TCF7L1: variants seen among roughly 807,000 people sequenced by gnomAD.
TCF7L1 encodes transcription factor 7 like 1.
Under a neutral mutation model 63.7 loss-of-function variants are expected in TCF7L1, and 18 were observed. The observed-to-expected ratio is 0.28, with a 90% confidence interval of 0.20 to 0.42. The LOEUF (loss-of-function observed/expected upper bound fraction) is 0.42, where lower values mean the gene tolerates loss of function less well. TCF7L1 is among the 10% of genes least tolerant of loss of function. The probability of loss-of-function intolerance (pLI) is 1.00; values close to 1 mark genes in which losing one functional copy is unlikely to be tolerated. For synonymous variants in TCF7L1, 355 were observed against 340.9 expected, an observed-to-expected ratio of 1.04 and a Z score of -0.46; for missense variants, 654 against 779.3, an observed-to-expected ratio of 0.84 and a Z score of 1.91.
intron 3 of TCF7L1, among the ~76,000 whole-genome samples, chr2:85,170,092 G>A (rs1434698556): frequency 6.6e-6 from 1 of 152,174 alleles, no homozygotes; most frequent in Non-Finnish European, 1.5e-5. Context: ...TCAGAGAGAG[G>A]AGGATGAGAT....
chr2:85,212,780 C>T (rs948361119), intron 3 of TCF7L1, among the ~76,000 whole-genome samples: 3 of 152,136 alleles, frequency 2.0e-5, no homozygotes, highest in Non-Finnish European at 2.9e-5. Flanking sequence ...TGTCATCACC[C>T]CCAGGTTGAG....
Position 85,184,423 on chromosome 2 carries a change from G to A in TCF7L1, c.441+49973G>A, listed in dbSNP as rs143244463. On this transcript the variant is annotated intron_variant, in intron 3 of 11. Coordinates refer to ENST00000282111, the MANE Select transcript of TCF7L1 (RefSeq NM_031283.3). ...GGACCTTCCGTGGGGAAGGTAACCC[G>A]GAAGCAGTTTCAGATTGGGTATTGG... Among the ~76,000 whole-genome samples the A allele has an allele frequency of 8.5e-5, 13 of 152,286 alleles. No homozygotes were observed. In the South Asian group the frequency reaches 1.2e-3, roughly 15 times the overall value.
chr2:85,294,026 A>ATTTTTTTTTTTTTTTTT lies in TCF7L1; in HGVS notation c.526-8446_526-8430dup, dbSNP rs774050758. 3.0e-4 allele frequency among the ~76,000 whole-genome samples: 18 copies of ATTTTTTTTTTTTTTTTT among 59,484 alleles called. 2 individuals carry two copies. Among genetic ancestry groups the ATTTTTTTTTTTTTTTTT allele is most frequent in the East Asian group, 1.7e-3 (2 of 1,160 alleles). The allele number at this position is 59,484 out of a possible 152,430, so 39.0% of individuals were successfully genotyped here. ...ATTTAGGTGTGGCCTGAACACTGGG[A>ATTTTTTTTTTTTTTTTT]TTTTTTTTTTTTTTTTTTTTTTTTT... On this transcript the variant is annotated intron_variant, in intron 4 of 11. Coordinates refer to ENST00000282111, the MANE Select transcript of TCF7L1 (RefSeq NM_031283.3).
rs75406494 is a variant in TCF7L1 at position 85,144,103 on chromosome 2, A to G, written c.441+9653A>G. 3.5e-3 allele frequency among the ~76,000 whole-genome samples: 532 copies of G among 152,340 alleles called. 4 individuals are homozygous for G. The highest frequency in any genetic ancestry group is 0.012 in the African/African-American group (490 of 41,584). On this transcript the variant is annotated intron_variant, in intron 3 of 11. Transcript: ENST00000282111. ...GAGGAGTAAACTTACTATACTCACAATTTGGATTACAACATAGTTTGGTTA... is the reference window on the plus strand; with the variant it reads ...GAGGAGTAAACTTACTATACTCACAGTTTGGATTACAACATAGTTTGGTTA...
chr2:85,240,887 G>A (rs527816206), intron 3 of TCF7L1, among the ~76,000 whole-genome samples: 3 of 152,180 alleles, frequency 2.0e-5, no homozygotes, highest in East Asian at 3.9e-4. Flanking sequence ...TAGTCTTGCA[G>A]CCAAAAGAGA....
Position 85,133,705 on chromosome 2 carries a change from G to GGGCGGCGGC in TCF7L1, c.34_42dup (p.Gly12_Gly14dup), listed in dbSNP as rs566806913. On this transcript the variant is annotated inframe_insertion, in exon 1 of 12. Coordinates refer to ENST00000282111, the MANE Select transcript of TCF7L1 (RefSeq NM_031283.3). This position sits in a 1 kb window ranked among gnomAD's most constrained non-coding sequence, Gnocchi z 4.4. ...CCACCATGCCCCAGCTCGGCGGCGG[G>GGGCGGCGGC]GGCGGCGGCGGCGGCGGCGGCAGCG... is the stretch of plus-strand genomic sequence containing the variant. 7.8e-5 allele frequency: 84 copies of GGGCGGCGGC among 1,076,866 alleles called. No individual in the cohort carries two copies. Among genetic ancestry groups the GGGCGGCGGC allele is most frequent in the East Asian group, 5.6e-4 (9 of 16,200 alleles). 66.7% of individuals were successfully genotyped at this position (1,076,866 alleles called of 1,614,324 possible).
chr2:85,220,352 T>C (rs1016799303), intron 3 of TCF7L1, among the ~76,000 whole-genome samples: 1 of 151,476 alleles, frequency 6.6e-6, no homozygotes, highest in East Asian at 1.9e-4. Context: ...CTTTCTGTAC[T>C]TAAAAAAAAA....
rs772915147 is a variant in TCF7L1 at position 85,134,432 on chromosome 2, T to A, written c.423T>A (p.Ser141=). 6 of 1,558,034 alleles carry A rather than the reference T, an allele frequency of 3.9e-6. No individual in the cohort carries two copies. In the East Asian group the frequency reaches 1.5e-4, roughly 38 times the overall value. The change falls in exon 3 of 12, where the codon TCT becomes TCA. Residue 141 remains serine, a synonymous_variant. Coordinates refer to ENST00000282111, the MANE Select transcript of TCF7L1 (RefSeq NM_031283.3). The surrounding 1 kb of genome is among the most constrained non-coding windows in gnomAD (Gnocchi z 5.0). ...SSPYLSNGPL[S]PGGARTYLQM... is the part of the protein sequence containing the mutation. ...CGTACCTCTCCAACGGACCCCTGTCTCCCGGAGGAGCGCGCACCGTGAGTG... is the reference window on the plus strand; with the variant it reads ...CGTACCTCTCCAACGGACCCCTGTCACCCGGAGGAGCGCGCACCGTGAGTG...
chr2:85,210,944 C>A (rs376326789), intron 3 of TCF7L1, among the ~76,000 whole-genome samples: 89 of 152,280 alleles, frequency 5.8e-4, no homozygotes, highest in African/African-American at 2.1e-3. Flanking sequence ...GGAACCTGCG[C>A]GAGGCACCAC....
intron 3 of TCF7L1, among the ~76,000 whole-genome samples, chr2:85,150,328 G>A (rs557898610): frequency 6.6e-6 from 1 of 151,874 alleles, no homozygotes; most frequent in African/African-American, 2.4e-5. Context: ...CCACCTCCCG[G>A]GTTCACGCCG....
intron 3 of TCF7L1, among the ~76,000 whole-genome samples, chr2:85,181,811 C>G (rs1471504290): frequency 6.6e-6 from 1 of 152,212 alleles, no homozygotes; most frequent in East Asian, 1.9e-4. Context: ...AGGCACCTCA[C>G]TCATTGACCA....
At chr2:85,216,314 T>C (rs1004345262) in intron 3 of TCF7L1, among the ~76,000 whole-genome samples, 2 of 152,142 alleles carry the variant, frequency 1.3e-5, no homozygotes, top group African/African-American at 2.4e-5. Flanking sequence ...GAAATAATAG[T>C]TGGGCTCTGC....
At chr2:85,222,520 A>T (rs1446750412) in intron 3 of TCF7L1, among the ~76,000 whole-genome samples, 2 of 151,504 alleles carry the variant, frequency 1.3e-5, no homozygotes, top group Non-Finnish European at 2.9e-5. Context: ...AATACAAAAA[A>T]TTAGCCCGGC....
chr2:85,287,686 T>C (rs951007757), intron 4 of TCF7L1, among the ~76,000 whole-genome samples: 1 of 152,202 alleles, frequency 6.6e-6, no homozygotes, highest in Non-Finnish European at 1.5e-5. Context: ...GGAACATTTA[T>C]GGGAGAAAAT....
chr2:85,147,359 A>C (rs2248076), intron 3 of TCF7L1, among the ~76,000 whole-genome samples: 1 of 151,574 alleles, frequency 6.6e-6, no homozygotes, highest in East Asian at 1.9e-4. Context: ...AACCCGAACT[A>C]GGGATTGCTT....
chr2:85,204,725 A>G (rs1032824789), intron 3 of TCF7L1, among the ~76,000 whole-genome samples: 3 of 152,174 alleles, frequency 2.0e-5, no homozygotes, highest in African/African-American at 7.2e-5. Flanking sequence ...CATCCAAAAA[A>G]AGGCTTTGTG....
intron 3 of TCF7L1, among the ~76,000 whole-genome samples, chr2:85,192,297 A>C (rs1558629421): frequency 6.6e-6 from 1 of 152,240 alleles, no homozygotes; most frequent in Non-Finnish European, 1.5e-5. Context: ...CTCTCCCCCA[A>C]ACTCAGTCTA....
chr2:85,146,313 G>A (rs1677878699), intron 3 of TCF7L1, among the ~76,000 whole-genome samples: 1 of 152,048 alleles, frequency 6.6e-6, no homozygotes. Context: ...TCCAGCTGTG[G>A]GGGATTCTGG....
chr2:85,209,491 T>G (rs553671026), intron 3 of TCF7L1, among the ~76,000 whole-genome samples: 52 of 152,170 alleles, frequency 3.4e-4, no homozygotes, highest in Non-Finnish European at 6.5e-4. Context: ...AAGGCACTGT[T>G]TGAAACCTCA....
Sources: allele counts gnomAD v4.1 joint callset (sites outside exome capture counted in the v4.1 genomes callset), GRCh38; gene constraint gnomAD v4.1.1; non-coding constraint Gnocchi (gnomAD v3.1); transcripts MANE v1.5; gene names NCBI Gene and HGNC (gene_info 2026-07-23, HGNC 2026-07-21).